The following SLC9B1 variants were observed in gnomAD, a reference collection of about 807,000 sequenced individuals.
The protein encoded by SLC9B1 is sodium/hydrogen exchanger 9B1.
A neutral mutation model predicts 51.7 loss-of-function variants in SLC9B1; 32 were observed. The ratio of observed to expected loss-of-function variants is 0.62; its 90% CI spans 0.47 to 0.83. The LOEUF (loss-of-function observed/expected upper bound fraction) is 0.83. Ranked by LOEUF, SLC9B1 falls within the 40% of genes least tolerant of loss-of-function variation. SLC9B1 has a pLI of 0.00. For synonymous variants in SLC9B1, 145 were observed against 212.7 expected, an observed-to-expected ratio of 0.68 and a Z score of 2.77; for missense variants, 406 against 613.2, an observed-to-expected ratio of 0.66 and a Z score of 3.57.
chr4:102,983,944 T>C (rs185885915), intron 3 of SLC9B1, among the ~76,000 whole-genome samples: 1 of 152,198 alleles, frequency 6.6e-6, no homozygotes, highest in East Asian at 1.9e-4. Flanking sequence ...AGCTCTTTTC[T>C]TTCTAGCTTC....
chr4:102,931,887 G>T (rs1266786736), intron 7 of SLC9B1, among the ~76,000 whole-genome samples: 3 of 152,150 alleles, frequency 2.0e-5, no homozygotes, highest in Non-Finnish European at 2.9e-5. Flanking sequence ...TAATAATATG[G>T]TTTATCAAAT....
intron 1 of SLC9B1, among the ~76,000 whole-genome samples, chr4:103,005,681 C>A (rs556657479): frequency 6.6e-6 from 1 of 152,110 alleles, no homozygotes; most frequent in Non-Finnish European, 1.5e-5. Context: ...ATGGCACATA[C>A]TGTAAATTGG....
chr4:102,902,574 T>G (rs6856176), intron 11 of SLC9B1, among the ~76,000 whole-genome samples: 87,558 of 151,998 alleles, frequency 0.58, 26,510 homozygotes, highest in African/African-American at 0.78. Context: ...AAGAGATGAT[T>G]ATGATAATGG....
Position 102,901,100 on chromosome 4 carries a change from G to T in SLC9B1, c.*17C>A, listed in dbSNP as rs770793281. On this transcript the variant is annotated 3_prime_UTR_variant, in exon 12 of 12. Transcript: ENST00000296422. ...AATTCATTAAAAGAAGCAGGCAGAT[G>T]ATGACAGGTAAACTTTTTAATGATG... is the stretch of plus-strand genomic sequence containing the variant. The T allele has an allele frequency of 3.7e-6, 6 of 1,610,108 alleles. No individual in the cohort carries two copies. The East Asian group carries it at 8.9e-5, about 24-fold the overall frequency.
At chr4:102,891,253 C>T (rs750652878) in intron 11 of SLC9B1, 14 of 152,124 alleles carry the variant, frequency 9.2e-5, no homozygotes, top group Non-Finnish European at 1.9e-4. Flanking sequence ...TCTTACTTCA[C>T]ATTGAATTCT....
chr4:102,913,921 T>C (rs76223555), intron 7 of SLC9B1, among the ~76,000 whole-genome samples: 1 of 151,994 alleles, frequency 6.6e-6, no homozygotes, highest in African/African-American at 2.4e-5. Context: ...TGGGTTCACC[T>C]TGTGCCCTGC....
chr4:102,927,234 G>A lies in SLC9B1; in HGVS notation c.829+4890C>T, dbSNP rs553675614. 7.9e-5 allele frequency among the ~76,000 whole-genome samples: 12 copies of A among 152,312 alleles called. No homozygotes were observed. In the East Asian group the frequency reaches 2.1e-3, roughly 27 times the overall value. ...AACACCAATAGTAATGGCAACAGAA[G>A]CCAAAATTGAGAAATGGAATCTAAC... On this transcript the variant is annotated intron_variant, in intron 7 of 11. Transcript: ENST00000296422.
At chr4:102,912,398 GA>G (rs879881980) in intron 7 of SLC9B1, among the ~76,000 whole-genome samples, 3 of 150,484 alleles carry the variant, frequency 2.0e-5, no homozygotes, top group Admixed American at 2.0e-4. Context: ...AAGAAAAAAG[GA>G]AAAAAAATAC....
At chr4:103,015,160 T>C (rs1223373521) in intron 1 of SLC9B1, among the ~76,000 whole-genome samples, 1 of 151,770 alleles carries the variant, frequency 6.6e-6, no homozygotes, top group East Asian at 1.9e-4. Flanking sequence ...CACATATTGA[T>C]GGAAATGGTT....
intron 11 of SLC9B1, chr4:102,891,288 GCTT>G (rs1734235737): frequency 6.6e-6 from 1 of 152,150 alleles, no homozygotes; most frequent in African/African-American, 2.4e-5. Flanking sequence ...TCTGATTTCT[GCTT>G]CTTAACAAAT....
chr4:102,990,218 CAAT>C (rs1739879045), intron 2 of SLC9B1, among the ~76,000 whole-genome samples: 1 of 151,892 alleles, frequency 6.6e-6, no homozygotes, highest in Non-Finnish European at 1.5e-5. Flanking sequence ...AGTTTGGGCA[CAAT>C]AATTAAAAGT....
chr4:102,948,584 CTAAA>C (rs1224309629), intron 4 of SLC9B1, among the ~76,000 whole-genome samples: 2 of 151,894 alleles, frequency 1.3e-5, no homozygotes, highest in South Asian at 2.1e-4. Context: ...ACTTAAATGA[CTAAA>C]TAAAGAAAAT....
At chr4:102,986,890 C>G (rs1255047193) in intron 3 of SLC9B1, among the ~76,000 whole-genome samples, 1 of 152,108 alleles carries the variant, frequency 6.6e-6, no homozygotes, top group Non-Finnish European at 1.5e-5. Context: ...CGTTAGAGAT[C>G]TTAGCATATT....
At position 102,945,300 on chromosome 4, in the gene SLC9B1, G is replaced by A. The variant is rs1257223749; in HGVS notation, c.546C>T (p.Val182=). Residue 182 remains valine, a synonymous_variant, in exon 6 of 12, where the codon GTC becomes GTT. Transcript: ENST00000296422. The stretch of plus-strand genomic sequence containing the variant: ...GACCTACAGCCAATCTGAAACAAAC[G>A]ACCTTCAAATGCCTCAAAGCCTGAA... ...LDPQALRHLK[V]VCFRLAVGPC... 1.3e-6 allele frequency: 2 copies of A among 1,595,612 alleles called. No individual in the cohort carries two copies. The highest frequency in any genetic ancestry group is 1.7e-6 in the Non-Finnish European group (2 of 1,168,146).
At chr4:102,920,141 TG>T (rs1265405705) in intron 7 of SLC9B1, among the ~76,000 whole-genome samples, 2 of 152,198 alleles carry the variant, frequency 1.3e-5, no homozygotes, top group Non-Finnish European at 2.9e-5. Context: ...GGGACACACC[TG>T]CCAGTAGGGG....
intron 11 of SLC9B1, chr4:102,889,098 T>G (rs1272453799): frequency 6.6e-6 from 1 of 152,232 alleles, no homozygotes. Flanking sequence ...TAGGTTCAAT[T>G]ATATGATCGT....
intron 1 of SLC9B1, chr4:103,015,043 T>C (rs1741249534): frequency 6.6e-6 from 1 of 152,148 alleles, no homozygotes; most frequent in Admixed American, 6.5e-5. Context: ...GCAGATCAAG[T>C]CTCCTTATGA....
At chr4:102,886,982 T>TA (rs1229401550) in intron 11 of SLC9B1, among the ~76,000 whole-genome samples, 1 of 152,186 alleles carries the variant, frequency 6.6e-6, no homozygotes, top group Non-Finnish European at 1.5e-5. Context: ...AAATTATAAT[T>TA]TATTTTGAAT....
rs1358153049 is a variant in SLC9B1 at position 102,974,245 on chromosome 4, A to AAAAAT, written c.211+15554_211+15555insATTTT. On this transcript the variant is annotated intron_variant, in intron 3 of 11. Coordinates refer to ENST00000296422, the MANE Select transcript of SLC9B1 (RefSeq NM_139173.4). The stretch of plus-strand genomic sequence containing the variant: ...GAGCAAGACTCTGTCTAAAATTGAA[A>AAAAAT]AAAAAAAAAAAAAAAAAAAAATCGG... 1.4e-3 allele frequency among the ~76,000 whole-genome samples: 200 copies of AAAAAT among 138,414 alleles called. 5 individuals are homozygous for AAAAAT. Among genetic ancestry groups the AAAAAT allele is most frequent in the African/African-American group, 5.6e-3 (193 of 34,178 alleles). The allele number at this position is 138,414 out of a possible 152,430, so 90.8% of individuals were successfully genotyped here. A position where few individuals can be genotyped will look rare whatever the true frequency, so the allele number is the denominator to read the frequency against.
Sources: gnomAD v4.1 joint callset for allele counts (sites outside exome capture counted in the v4.1 genomes callset) on GRCh38, gnomAD v4.1.1 for gene constraint, MANE v1.5 for transcripts, NCBI Gene and HGNC (gene_info 2026-07-23, HGNC 2026-07-21) for gene names.